The following HSD17B2 variants were observed in gnomAD, a reference collection of about 807,000 sequenced individuals.
HSD17B2 encodes the protein 17-beta-hydroxysteroid dehydrogenase type 2.
HSD17B2 carries 32 observed loss-of-function variants against 26.9 expected under a neutral mutation model. The ratio of observed to expected loss-of-function variants is 1.19; its 90% CI spans 0.90 to 1.60. The LOEUF is 1.60. HSD17B2 is among the 40% of genes most tolerant of loss of function. HSD17B2 has a pLI of 0.00. For missense variants in HSD17B2, 613 were observed against 468.6 expected (o/e 1.31, Z -2.85); for synonymous variants, 246 against 186.7 (o/e 1.32, Z -2.59).
At chr16:82,092,587 G>A (rs1004174791) in intron 4 of HSD17B2, 1 of 152,198 alleles carries the variant, frequency 6.6e-6, no homozygotes, top group African/African-American at 2.4e-5. Flanking sequence ...TGCAGAGGGG[G>A]TGCAAGACTC....
chr16:82,092,447 G>A (rs1406547103), intron 4 of HSD17B2: 1 of 152,178 alleles, frequency 6.6e-6, no homozygotes, highest in African/African-American at 2.4e-5. Context: ...CAGACTGGGA[G>A]GTATTGCTAA....
At chr16:82,092,928 A>G (rs2142368170) in intron 4 of HSD17B2, 1 of 152,330 alleles carries the variant, frequency 6.6e-6, no homozygotes, top group East Asian at 1.9e-4. Context: ...TCCAACACAC[A>G]GATGTAAAAT....
At chr16:82,047,477 G>A (rs183196800) in intron 1 of HSD17B2, among the ~76,000 whole-genome samples, 18 of 152,350 alleles carry the variant, frequency 1.2e-4, no homozygotes, top group East Asian at 1.9e-4. Flanking sequence ...AATAGTATGC[G>A]TTCATGACAT....
At chr16:82,043,546 C>T (rs1321196030) in intron 1 of HSD17B2, among the ~76,000 whole-genome samples, 1 of 141,958 alleles carries the variant, frequency 7.0e-6, no homozygotes, top group Non-Finnish European at 1.5e-5. Flanking sequence ...CAGCCGGGCG[C>T]CGTGGCAGGC....
chr16:82,065,811 G>A (rs1203975078), intron 1 of HSD17B2, among the ~76,000 whole-genome samples: 1 of 152,200 alleles, frequency 6.6e-6, no homozygotes, highest in Non-Finnish European at 1.5e-5. Flanking sequence ...AGTCCAGGTC[G>A]ATCCCTACCA....
chr16:82,089,404 G>A (rs1904619614), intron 3 of HSD17B2, among the ~76,000 whole-genome samples: 2 of 152,216 alleles, frequency 1.3e-5, no homozygotes, highest in Admixed American at 1.3e-4. Flanking sequence ...TCTTTGCCAA[G>A]CCTGGGAGCC....
intron 1 of HSD17B2, among the ~76,000 whole-genome samples, chr16:82,062,403 C>G (rs1169733000): frequency 6.6e-6 from 1 of 152,210 alleles, no homozygotes; most frequent in Non-Finnish European, 1.5e-5. Context: ...ACAAAGGACC[C>G]TCTCTCAGTT....
At chr16:82,065,407 C>A (rs1436897896) in intron 1 of HSD17B2, among the ~76,000 whole-genome samples, 2 of 152,136 alleles carry the variant, frequency 1.3e-5, no homozygotes, top group Non-Finnish European at 2.9e-5. Flanking sequence ...CAGTTTTCTT[C>A]TCTGTGCAGA....
chr16:82,055,941 A>T (rs1914253560), intron 1 of HSD17B2, among the ~76,000 whole-genome samples: 1 of 152,190 alleles, frequency 6.6e-6, no homozygotes, highest in Non-Finnish European at 1.5e-5. Context: ...TGGAATGAGA[A>T]GTGTAAGCTG....
chr16:82,045,459 T>C (rs1197133761), intron 1 of HSD17B2, among the ~76,000 whole-genome samples: 4 of 152,240 alleles, frequency 2.6e-5, no homozygotes, highest in African/African-American at 9.6e-5. Context: ...TTAAGCAAGA[T>C]TGTGAATATA....
chr16:82,091,576 G>A (rs1281341777), intron 4 of HSD17B2: 1 of 162,952 alleles, frequency 6.1e-6, no homozygotes, highest in African/African-American at 2.4e-5. Flanking sequence ...GGGATGTCTT[G>A]GATAGAACAA....
intron 1 of HSD17B2, 37 bp downstream of exon 1, chr16:82,035,726 G>A: frequency 6.3e-7 from 1 of 1,596,168 alleles, no homozygotes; most frequent in Non-Finnish European, 8.6e-7. Context: ...CTGAGGGTAT[G>A]ATCTGAAACT....
At chr16:82,068,784 G>A (rs1181276528) in intron 2 of HSD17B2, among the ~76,000 whole-genome samples, 1 of 152,038 alleles carries the variant, frequency 6.6e-6, no homozygotes, top group Non-Finnish European at 1.5e-5. Flanking sequence ...TCATGGCTAC[G>A]CTCCACGGAA....
At chr16:82,074,549 A>G (rs1451224197) in intron 3 of HSD17B2, among the ~76,000 whole-genome samples, 2 of 152,246 alleles carry the variant, frequency 1.3e-5, no homozygotes, top group African/African-American at 2.4e-5. Context: ...AGGAGTAGCT[A>G]TACTTACATC....
At chr16:82,048,141 A>G (rs1913994402) in intron 1 of HSD17B2, among the ~76,000 whole-genome samples, 1 of 152,354 alleles carries the variant, frequency 6.6e-6, no homozygotes. Flanking sequence ...AATCTTCCAC[A>G]TAGGTAGGAC....
intron 1 of HSD17B2, among the ~76,000 whole-genome samples, chr16:82,036,392 A>G (rs540821404): frequency 6.6e-6 from 1 of 151,120 alleles, no homozygotes; most frequent in South Asian, 2.1e-4. Flanking sequence ...AGGCCAAATT[A>G]AATTTCTTTG....
In HSD17B2 at chr16:82,068,346, G is replaced by T; in HGVS notation, c.442G>T (p.Ala148Ser). ...DITKPVQIKD[A>S]YSKVAAMLQD... Reference sequence around the variant, plus strand: ...CACGAAGCCAGTGCAGATAAAAGATGCTTACAGCAAGGTTGCAGCAATGCT... The same window carrying T: ...CACGAAGCCAGTGCAGATAAAAGATTCTTACAGCAAGGTTGCAGCAATGCT... Residue 148 changes from alanine (A) to serine (S), a missense_variant, in exon 2 of 5, where the codon GCT becomes TCT. Ala to Ser is a moderately conservative substitution (Grantham distance 99, BLOSUM62 1). Coordinates refer to ENST00000199936, the MANE Select transcript of HSD17B2 (RefSeq NM_002153.3). The T allele has an allele frequency of 6.2e-7, 1 of 1,613,628 alleles. No individual in the cohort carries two copies. The highest frequency in any genetic ancestry group is 8.5e-7 in the Non-Finnish European group (1 of 1,179,930).
At chr16:82,040,742 G>C (rs376942224) in intron 1 of HSD17B2, among the ~76,000 whole-genome samples, 1 of 152,214 alleles carries the variant, frequency 6.6e-6, no homozygotes, top group Non-Finnish European at 1.5e-5. Flanking sequence ...TGTTTGCAGA[G>C]GGTGATGATT....
At chr16:82,074,617 A>T (rs1597133617) in intron 3 of HSD17B2, among the ~76,000 whole-genome samples, 1 of 152,228 alleles carries the variant, frequency 6.6e-6, no homozygotes, top group African/African-American at 2.4e-5. Context: ...GTCATTATAT[A>T]GTCATAAAGG....
Sources: allele counts gnomAD v4.1 joint callset (sites outside exome capture counted in the v4.1 genomes callset), GRCh38; gene constraint gnomAD v4.1.1; transcripts MANE v1.5; gene names NCBI Gene and HGNC (gene_info 2026-07-23, HGNC 2026-07-21).